Variants in TMEM231 observed in about 807,000 individuals in gnomAD.
The protein encoded by TMEM231 is transmembrane protein 231.
TMEM231 carries 40 observed loss-of-function variants against 38.5 expected under a neutral mutation model. That is an observed-to-expected ratio of 1.04 (90% CI 0.81 to 1.35). The LOEUF (loss-of-function observed/expected upper bound fraction) is 1.35. TMEM231 is among the 40% of genes most tolerant of loss of function. The pLI is 0.00. For synonymous variants in TMEM231, 199 were observed against 181.7 expected (o/e 1.10, Z -0.77); for missense variants, 420 against 416.9 (o/e 1.01, Z -0.07).
In TMEM231 at chr16:75,540,200, C is replaced by T. The variant is rs1431183339; in HGVS notation, c.771-26G>A. The T allele has an allele frequency of 3.8e-6, 6 of 1,590,728 alleles. No homozygotes were observed. In the African/African-American group the frequency reaches 4.0e-5, roughly 11 times the overall value. On this transcript the variant is annotated intron_variant, in intron 6 of 6. Coordinates refer to ENST00000258173, the MANE Select transcript of TMEM231 (RefSeq NM_001077418.3). ...GTATGGACAGTTAAGGAGTGAAGGG[C>T]CACATGGTGTTAAGTATGAAGAGAA...
intron 2 of TMEM231, chr16:75,555,375 T>C (rs2080798571): frequency 6.0e-6 from 1 of 166,550 alleles, no homozygotes; most frequent in Non-Finnish European, 1.3e-5. Context: ...ATAAAAATGC[T>C]GCCCTTTCCG....
chr16:75,546,933 C>T (rs993662871), intron 2 of TMEM231, among the ~76,000 whole-genome samples: 8 of 151,932 alleles, frequency 5.3e-5, no homozygotes, highest in East Asian at 1.9e-4. Context: ...TGATAAATTA[C>T]GGGCATGAAA....
chr16:75,546,117 T>C (rs2151703399), intron 2 of TMEM231, 163 bp from the exon 3 acceptor site: 2 of 1,537,472 alleles, frequency 1.3e-6, no homozygotes, highest in African/African-American at 1.4e-5. Context: ...GCATTAATAC[T>C]GGGGAGAGAC....
chr16:75,544,583 T>C (rs2080661593), intron 4 of TMEM231, among the ~76,000 whole-genome samples: 1 of 151,988 alleles, frequency 6.6e-6, no homozygotes, highest in Non-Finnish European at 1.5e-5. Context: ...GGAGATGATA[T>C]AGGTAAACGC....
intron 2 of TMEM231, 116 bp downstream of exon 2, chr16:75,555,688 C>T (rs1010183493): frequency 8.7e-6 from 10 of 1,148,344 alleles, no homozygotes; most frequent in African/African-American, 4.9e-5. Context: ...TTCGCGAGTC[C>T]TTAGGATCAA....
chr16:75,546,650 C>T (rs763927093), intron 2 of TMEM231, among the ~76,000 whole-genome samples: 15 of 152,144 alleles, frequency 9.9e-5, no homozygotes, highest in Non-Finnish European at 1.8e-4. Flanking sequence ...ACCATGTTGG[C>T]CAGGCTGATC....
intron 2 of TMEM231, among the ~76,000 whole-genome samples, chr16:75,552,766 G>T (rs1275743524): frequency 4.6e-5 from 7 of 152,226 alleles, no homozygotes; most frequent in African/African-American, 1.4e-4. Flanking sequence ...TGAGAACTAT[G>T]CCATACCTGC....
At chr16:75,544,047 T>G (rs1057124570) in intron 4 of TMEM231, among the ~76,000 whole-genome samples, 1 of 152,244 alleles carries the variant, frequency 6.6e-6, no homozygotes, top group African/African-American at 2.4e-5. Context: ...CTGTTATCTT[T>G]CAAGATTTGA....
chr16:75,540,904 G>A (rs2080618927), intron 6 of TMEM231, among the ~76,000 whole-genome samples: 1 of 152,140 alleles, frequency 6.6e-6, no homozygotes, highest in African/African-American at 2.4e-5. Flanking sequence ...TTTTTATGAG[G>A]CTATAACCCT....
intron 2 of TMEM231, chr16:75,555,298 G>C (rs1406450602): frequency 6.5e-6 from 1 of 154,436 alleles, no homozygotes; most frequent in African/African-American, 2.4e-5. Flanking sequence ...GGCGTGACTC[G>C]GCCACAGCGC....
At position 75,538,446 on chromosome 16, in the gene TMEM231, T is replaced by C. The variant is rs2080583181; in HGVS notation, c.*1548A>G. On this transcript the variant is annotated 3_prime_UTR_variant, in exon 7 of 7. Coordinates refer to ENST00000258173, the MANE Select transcript of TMEM231 (RefSeq NM_001077418.3). ...TCCATATCTCATTGCCTTATGTGAATTTAAACAAGAAACTATTTTTCGTTT... is the reference window on the plus strand; with the variant it reads ...TCCATATCTCATTGCCTTATGTGAACTTAAACAAGAAACTATTTTTCGTTT... The C allele has an allele frequency of 6.6e-6, 1 of 152,208 alleles. No individual in the cohort carries two copies. Among genetic ancestry groups the C allele is most frequent in the East Asian group, 1.9e-4 (1 of 5,200 alleles). 9.4% of individuals were successfully genotyped at this position (152,208 alleles called of 1,614,324 possible). A position where few individuals can be genotyped will look rare whatever the true frequency, so the allele number is the denominator to read the frequency against.
intron 2 of TMEM231, among the ~76,000 whole-genome samples, chr16:75,551,327 A>T (rs1352431607): frequency 6.6e-6 from 1 of 152,074 alleles, no homozygotes. Flanking sequence ...CCTCCTGAGT[A>T]GCTGGGACTA....
At chr16:75,548,909 T>G (rs1303052620) in intron 2 of TMEM231, among the ~76,000 whole-genome samples, 1 of 151,900 alleles carries the variant, frequency 6.6e-6, no homozygotes, top group African/African-American at 2.4e-5. Context: ...TAACAGAAAT[T>G]TTTAAATATT....
At chr16:75,550,010 G>A (rs1431376452) in intron 2 of TMEM231, among the ~76,000 whole-genome samples, 2 of 152,078 alleles carry the variant, frequency 1.3e-5, no homozygotes, top group Admixed American at 1.3e-4. Flanking sequence ...CACCTGGCCA[G>A]AGGGAATTTA....
intron 6 of TMEM231, among the ~76,000 whole-genome samples, chr16:75,541,108 G>T (rs1333347297): frequency 6.6e-6 from 1 of 151,916 alleles, no homozygotes; most frequent in Non-Finnish European, 1.5e-5. Flanking sequence ...TGAATTCCTG[G>T]ACTCAAGCAA....
At position 75,546,101 on chromosome 16, in the gene TMEM231, G is replaced by GT. The variant is rs761782812; in HGVS notation, c.310-148dup. The GT allele has an allele frequency of 4.5e-6, 7 of 1,542,566 alleles. No homozygotes were observed. In the South Asian group the frequency reaches 7.2e-5, roughly 16 times the overall value. On this transcript the variant is annotated intron_variant, in intron 2 of 6. Transcript: ENST00000258173. Reference sequence around the variant, plus strand: ...CACTAAAAGAGAAAAGCAGATAGATGTAAGTGCATTAATACTGGGGAGAGA... The same window carrying GT: ...CACTAAAAGAGAAAAGCAGATAGATGTTAAGTGCATTAATACTGGGGAGAGA...
intron 2 of TMEM231, among the ~76,000 whole-genome samples, chr16:75,550,083 AG>A (rs2080740354): frequency 6.6e-6 from 1 of 152,244 alleles, no homozygotes; most frequent in African/African-American, 2.4e-5. Flanking sequence ...GGGATATCCC[AG>A]CAACACAGAG....
intron 2 of TMEM231, among the ~76,000 whole-genome samples, chr16:75,550,010 G>GAGGGAATTTAACAT (rs1163163474): frequency 6.6e-6 from 1 of 152,078 alleles, no homozygotes; most frequent in African/African-American, 2.4e-5. Context: ...CACCTGGCCA[G>GAGGGAATTTAACAT]AGGGAATTTA....
At position 75,539,370 on chromosome 16, in the gene TMEM231, G is replaced by A. The variant is rs1403934525; in HGVS notation, c.*624C>T. The A allele has an allele frequency of 6.6e-6, 1 of 152,294 alleles. No homozygotes were observed. The highest frequency in any genetic ancestry group is 1.5e-5 in the Non-Finnish European group (1 of 68,102). The allele number at this position is 152,294 out of a possible 1,614,324, so 9.4% of individuals were successfully genotyped here. Reference sequence around the variant, plus strand: ...CTGCTCAGCTGAGCTGATGACAGATGACTGACTGTTGGGCTGGGGCAGGTG... The same window carrying A: ...CTGCTCAGCTGAGCTGATGACAGATAACTGACTGTTGGGCTGGGGCAGGTG... On this transcript the variant is annotated 3_prime_UTR_variant, in exon 7 of 7. Coordinates refer to ENST00000258173, the MANE Select transcript of TMEM231 (RefSeq NM_001077418.3).
Sources: allele counts gnomAD v4.1 joint callset (sites outside exome capture counted in the v4.1 genomes callset), GRCh38; gene constraint gnomAD v4.1.1; transcripts MANE v1.5; gene names NCBI Gene and HGNC (gene_info 2026-07-23, HGNC 2026-07-21).